KCNAB1: variants seen among roughly 807,000 people sequenced by gnomAD.
KCNAB1 encodes the protein voltage-gated potassium channel subunit beta-1.
Under a neutral mutation model 64.6 loss-of-function variants are expected in KCNAB1, and 35 were observed. That is an observed-to-expected ratio of 0.54 (90% confidence interval 0.41 to 0.72). The LOEUF is 0.72. Ranked by LOEUF, KCNAB1 falls within the 30% of genes least tolerant of loss-of-function variation. KCNAB1 has a pLI of 0.00. For synonymous variants in KCNAB1, 177 were observed against 183.8 expected (o/e 0.96, Z 0.30); for missense variants, 401 against 512.9 (o/e 0.78, Z 2.11).
intron 1 of KCNAB1, among the ~76,000 whole-genome samples, chr3:156,232,145 GA>G (rs1198189204): frequency 6.6e-6 from 1 of 152,076 alleles, no homozygotes; most frequent in Non-Finnish European, 1.5e-5. Context: ...ATATTACTTA[GA>G]AAGTAATAGT....
intron 1 of KCNAB1, among the ~76,000 whole-genome samples, chr3:156,350,669 G>C (rs759515190): frequency 1.6e-4 from 24 of 152,116 alleles, no homozygotes; most frequent in South Asian, 2.1e-4. Flanking sequence ...CATAACCTTT[G>C]CCTCCTGAAG....
At chr3:156,535,267 T>C (rs953133998) in intron 13 of KCNAB1, among the ~76,000 whole-genome samples, 26 of 152,156 alleles carry the variant, frequency 1.7e-4, no homozygotes, top group African/African-American at 6.3e-4. Context: ...GCCAGCAGGA[T>C]TGCAACAAAG....
chr3:156,346,369 G>C lies in KCNAB1; in HGVS notation c.276-75247G>C, dbSNP rs952867270. On this transcript the variant is annotated intron_variant, in intron 1 of 13. Transcript: ENST00000490337. Reference sequence around the variant, plus strand: ...TCAGAGGAAAGAACATAATTTGTATGTGTGAAGTATTGATGAATATGTGGT... The same window carrying C: ...TCAGAGGAAAGAACATAATTTGTATCTGTGAAGTATTGATGAATATGTGGT... Among the ~76,000 whole-genome samples the C allele has an allele frequency of 3.4e-4, 52 of 152,278 alleles. 1 individual carries two copies. The highest frequency in any genetic ancestry group is 1.2e-3 in the African/African-American group (49 of 41,548).
chr3:156,437,432 C>A (rs1421476349), intron 2 of KCNAB1, among the ~76,000 whole-genome samples: 1 of 152,084 alleles, frequency 6.6e-6, no homozygotes, highest in Non-Finnish European at 1.5e-5. Flanking sequence ...AGATTTAGTA[C>A]CCCATCTCAG....
At chr3:156,498,877 G>T (rs987760876) in intron 8 of KCNAB1, among the ~76,000 whole-genome samples, 5 of 152,200 alleles carry the variant, frequency 3.3e-5, no homozygotes, top group Non-Finnish European at 5.9e-5. Flanking sequence ...TTGAAGAATT[G>T]TAACAGGGGA....
At chr3:156,184,474 A>G (rs1346592173) in intron 1 of KCNAB1, among the ~76,000 whole-genome samples, 1 of 152,174 alleles carries the variant, frequency 6.6e-6, no homozygotes, top group Non-Finnish European at 1.5e-5. Flanking sequence ...TCTCTTAAAG[A>G]AGGAGACCCT....
chr3:156,398,931 A>G (rs1043602962), intron 1 of KCNAB1, among the ~76,000 whole-genome samples: 6 of 152,146 alleles, frequency 3.9e-5, no homozygotes, highest in African/African-American at 1.2e-4. Context: ...CAGCCACACT[A>G]ACCACCCAGT....
At chr3:156,210,709 T>C (rs538892560) in intron 1 of KCNAB1, among the ~76,000 whole-genome samples, 1 of 152,332 alleles carries the variant, frequency 6.6e-6, no homozygotes, top group East Asian at 1.9e-4. Flanking sequence ...TGTCTTTTGA[T>C]CCCAGACCCT....
intron 1 of KCNAB1, among the ~76,000 whole-genome samples, chr3:156,318,786 C>A (rs114978505): frequency 0.031 from 4,737 of 152,230 alleles, 258 homozygotes; most frequent in African/African-American, 0.11. Flanking sequence ...CCAAACAAAA[C>A]TAATCTCAGG....
chr3:156,299,938 G>A (rs1721043736), intron 1 of KCNAB1, among the ~76,000 whole-genome samples: 1 of 152,152 alleles, frequency 6.6e-6, no homozygotes, highest in Admixed American at 6.5e-5. Flanking sequence ...CAGCTCTAAA[G>A]TCCTCAGAGG....
chr3:156,291,225 G>C, intron 1 of KCNAB1: 1 of 986,132 alleles, frequency 1.0e-6, no homozygotes, highest in Non-Finnish European at 1.2e-6. Flanking sequence ...AACCCGTGTC[G>C]GTGCAGGCTC....
chr3:156,392,051 C>T (rs1373912747), intron 1 of KCNAB1, among the ~76,000 whole-genome samples: 1 of 152,210 alleles, frequency 6.6e-6, no homozygotes, highest in East Asian at 1.9e-4. Flanking sequence ...GCCCCACTCA[C>T]AGACACCTCC....
chr3:156,345,766 A>G (rs1724443847), intron 1 of KCNAB1, among the ~76,000 whole-genome samples: 5 of 152,198 alleles, frequency 3.3e-5, no homozygotes, highest in South Asian at 2.1e-4. Flanking sequence ...ATCAACTCCA[A>G]TTTGCACTAG....
chr3:156,449,948 T>TCCC, intron 2 of KCNAB1, among the ~76,000 whole-genome samples: 1 of 152,334 alleles, frequency 6.6e-6, no homozygotes, highest in South Asian at 2.1e-4. Context: ...GATAGGGCTA[T>TCCC]CCCCTGTGAT....
chr3:156,360,904 G>T (rs369400966), intron 1 of KCNAB1, among the ~76,000 whole-genome samples: 2 of 151,958 alleles, frequency 1.3e-5, no homozygotes, highest in African/African-American at 4.8e-5. Context: ...GCCATCTCTC[G>T]CCTGGGTTAC....
chr3:156,325,363 G>T (rs190672282), intron 1 of KCNAB1, among the ~76,000 whole-genome samples: 12 of 152,068 alleles, frequency 7.9e-5, no homozygotes, highest in Non-Finnish European at 1.5e-4. Context: ...TGATATCCAT[G>T]ACACTATTTT....
intron 1 of KCNAB1, among the ~76,000 whole-genome samples, chr3:156,198,616 C>CTTTTTTTT (rs59410120): frequency 8.4e-6 from 1 of 118,530 alleles, no homozygotes; most frequent in Non-Finnish European, 1.7e-5. Flanking sequence ...GCAAACCCTG[C>CTTTTTTTT]TTTTTTTTTT....
intron 1 of KCNAB1, among the ~76,000 whole-genome samples, chr3:156,199,769 C>T (rs1434824180): frequency 6.6e-6 from 1 of 152,312 alleles, no homozygotes; most frequent in South Asian, 2.1e-4. Context: ...GAACATGCTC[C>T]TTTAGCTCAG....
At chr3:156,373,313 AC>A (rs1321197018) in intron 1 of KCNAB1, among the ~76,000 whole-genome samples, 1 of 152,216 alleles carries the variant, frequency 6.6e-6, no homozygotes, top group African/African-American at 2.4e-5. Context: ...ATTTCCTGAG[AC>A]CAGGGTATAT....
Sources: allele counts gnomAD v4.1 joint callset (sites outside exome capture counted in the v4.1 genomes callset), GRCh38; gene constraint gnomAD v4.1.1; transcripts MANE v1.5; gene names NCBI Gene and HGNC (gene_info 2026-07-23, HGNC 2026-07-21).